HSPD1: variants seen among roughly 807,000 people sequenced by gnomAD.
The protein encoded by HSPD1 is heat shock protein family D (Hsp60) member 1, also known as 60 kDa heat shock protein, mitochondrial.
A neutral mutation model predicts 53.0 loss-of-function variants in HSPD1; 3 were observed. The ratio of observed to expected loss-of-function variants is 0.06; its 90% CI spans 0.03 to 0.15. The LOEUF is 0.15. HSPD1 is among the 10% of genes least tolerant of loss of function. The pLI is 1.00. For missense variants in HSPD1, 431 were observed against 694.1 expected (o/e 0.62, Z 4.26); for synonymous variants, 200 against 228.0 (o/e 0.88, Z 1.10).
upstream of HSPD1, chr2:197,500,202 T>C (rs2086230180): frequency 1.5e-5 from 9 of 599,046 alleles, no homozygotes; most frequent in Non-Finnish European, 2.4e-5. Context: ...GCTCCTTTTT[T>C]CTTCCGCCTC....
chr2:197,498,858 T>A lies in HSPD1; in HGVS notation c.-2-8A>T, dbSNP rs777306663. On this transcript the variant is annotated splice_polypyrimidine_tract_variant and splice_region_variant and intron_variant, in intron 1 of 11. Transcript: ENST00000388968. ...TGGGTAACCGAAGCATTTCTGGGGA[T>A]GGAAGCAAAAAGATCATCAGAACTA... 3.1e-6 allele frequency: 5 copies of A among 1,613,950 alleles called. No homozygotes were observed. In the Admixed American group the frequency reaches 5.0e-5, roughly 16 times the overall value.
intron 8 of HSPD1, 88 bp downstream of exon 8, chr2:197,490,109 A>G: frequency 2.1e-6 from 2 of 960,100 alleles, no homozygotes; most frequent in Non-Finnish European, 3.4e-6. Context: ...AGATAGTTGT[A>G]GTATCTAATT....
intron 10 of HSPD1, 69 bp downstream of exon 10, chr2:197,488,248 A>G: frequency 2.2e-6 from 3 of 1,343,652 alleles, no homozygotes; most frequent in South Asian, 1.2e-5. Context: ...CATTTAGGGG[A>G]CTGCAACATT....
intron 7 of HSPD1, among the ~76,000 whole-genome samples, chr2:197,493,060 T>C (rs1029446200): frequency 2.0e-5 from 3 of 151,500 alleles, no homozygotes; most frequent in Non-Finnish European, 2.9e-5. Flanking sequence ...CTGTAAACAC[T>C]TGCAAAATAC....
chr2:197,489,420 A>C (rs551293243), intron 8 of HSPD1, among the ~76,000 whole-genome samples, 173 bp from the exon 9 acceptor site: 1 of 152,286 alleles, frequency 6.6e-6, no homozygotes, highest in African/African-American at 2.4e-5. Context: ...CTTTCACTGC[A>C]TTTCCAAATT....
At chr2:197,491,675 T>C (rs950433586) in intron 7 of HSPD1, among the ~76,000 whole-genome samples, 5 of 152,230 alleles carry the variant, frequency 3.3e-5, no homozygotes, top group African/African-American at 1.2e-4. Flanking sequence ...ATTTTAATAA[T>C]GCCCTTAGAT....
chr2:197,497,636 T>C (rs1324849021), intron 2 of HSPD1: 1 of 548,698 alleles, frequency 1.8e-6, no homozygotes, highest in African/African-American at 1.9e-5. Context: ...ATTAAAATCC[T>C]AGGGACTAAA....
intron 1 of HSPD1, 96 bp from the exon 2 acceptor site, chr2:197,498,946 T>C: frequency 8.8e-7 from 1 of 1,133,242 alleles, no homozygotes; most frequent in East Asian, 2.6e-5. Flanking sequence ...CAACGTGAGA[T>C]GCTGAGCCTG....
intron 5 of HSPD1, 93 bp from the exon 6 acceptor site, chr2:197,494,343 A>G (rs1447098487): frequency 5.3e-6 from 4 of 760,480 alleles, no homozygotes; most frequent in Admixed American, 1.9e-5. Flanking sequence ...CCCTCTGGCC[A>G]TAAGAGATGC....
intron 8 of HSPD1, among the ~76,000 whole-genome samples, chr2:197,489,931 C>G (rs1402627218): frequency 6.6e-6 from 1 of 151,030 alleles, no homozygotes; most frequent in Non-Finnish European, 1.5e-5. Flanking sequence ...ATAGTCAAGA[C>G]AGATCAAGAC....
Position 197,488,034 on chromosome 2 carries a change from T to C in HSPD1, c.1393A>G (p.Ile465Val), listed in dbSNP as rs1395703930. 4.4e-6 allele frequency: 7 copies of C among 1,593,966 alleles called. No individual in the cohort carries two copies. The highest frequency in any genetic ancestry group is 1.1e-5 in the South Asian group (1 of 89,798). ...TPANEDQKIG[I>V]EIIKRTLKIP... Reference sequence around the variant, plus strand: ...TTGAGTGTTCTTTTAATAATTTCTATACCTACAGAGAAATTTCAGCAAAAT... The same window carrying C: ...TTGAGTGTTCTTTTAATAATTTCTACACCTACAGAGAAATTTCAGCAAAAT... Residue 465 changes from isoleucine (I) to valine (V), a missense_variant and splice_region_variant, in exon 11 of 12, where the codon ATA becomes GTA. Around this residue, in one of 2 missense-constraint regions of HSPD1, gnomAD observed 386 missense variants for 657.6 expected, o/e 0.59. Transcript: ENST00000388968.
At chr2:197,491,798 ATTTTC>A (rs1248328472) in intron 7 of HSPD1, among the ~76,000 whole-genome samples, 5,012 of 152,296 alleles carry the variant, frequency 0.033, 259 homozygotes, top group African/African-American at 0.11. Context: ...ATTGGGTGCT[ATTTTC>A]TCTACTTCAG....
At chr2:197,490,367 G>C in intron 7 of HSPD1, 71 bp from the exon 8 acceptor site, 1 of 1,189,932 alleles carries the variant, frequency 8.4e-7, no homozygotes, top group Non-Finnish European at 1.3e-6. Flanking sequence ...CCCTCAAGCT[G>C]TTACTAGATT....
intron 6 of HSPD1, 46 bp from the exon 7 acceptor site, chr2:197,493,538 A>T (rs762695342): frequency 3.6e-6 from 5 of 1,372,200 alleles, no homozygotes; most frequent in Non-Finnish European, 4.2e-6. Context: ...AAATGACTGC[A>T]ATACATTTAA....
At chr2:197,494,544 G>C (rs201275304) in intron 5 of HSPD1, 113 bp downstream of exon 5, 17 of 612,062 alleles carry the variant, frequency 2.8e-5, no homozygotes, top group Non-Finnish European at 4.1e-5. Context: ...AAAAAAAGCA[G>C]TTTTTAAAAC....
rs909223870 is a variant in HSPD1 at position 197,499,801 on chromosome 2, C to G, written c.-22G>C. ...GCGTACCTGCGGGGCGGCGGCAAGG[C>G]GTGCGCTCGGCGAGACAGGTCGTCG... On this transcript the variant is annotated 5_prime_UTR_variant, in exon 1 of 12. Transcript: ENST00000388968. The G allele has an allele frequency of 3.9e-5, 6 of 152,290 alleles. No individual in the cohort carries two copies. Among genetic ancestry groups the G allele is most frequent in the African/African-American group, 7.2e-5 (3 of 41,464 alleles). 9.4% of individuals were successfully genotyped at this position (152,290 alleles called of 1,614,324 possible).
At chr2:197,493,124 T>C (rs1361144844) in intron 7 of HSPD1, among the ~76,000 whole-genome samples, 200 bp downstream of exon 7, 2 of 152,082 alleles carry the variant, frequency 1.3e-5, no homozygotes, top group Non-Finnish European at 2.9e-5. Flanking sequence ...CTGATCAAAA[T>C]AGTAAAGACT....
rs745574190 is a variant in HSPD1, at chr2:197,487,177, C to T, written c.1591G>A (p.Asp531Asn). The change falls in exon 12 of 12, where the codon GAT becomes AAT. Residue 531 changes from aspartate (D) to asparagine (N), a missense_variant. This residue lies in a region of HSPD1 where 386 missense variants were observed against 657.6 expected (regional missense o/e 0.59). Transcript: ENST00000388968. ...PTKVVRTALL[D>N]AAGVASLLTT... ...AACAGAGAGGCCACACCAGCAGCAT[C>T]CAATAAAGCAGTTCTCACAACCTAG... 9 of 1,613,314 alleles carry T rather than the reference C, an allele frequency of 5.6e-6. No individual in the cohort carries two copies. Among genetic ancestry groups the T allele is most frequent in the Non-Finnish European group, 7.6e-6 (9 of 1,179,332 alleles).
chr2:197,500,214 G>A (rs1005196440), upstream of HSPD1: 3 of 609,120 alleles, frequency 4.9e-6, no homozygotes, highest in East Asian at 5.6e-5. Context: ...TTCCGCCTCC[G>A]AGTCTTCGCG....
Sources: allele counts gnomAD v4.1 joint callset (sites outside exome capture counted in the v4.1 genomes callset), GRCh38; gene constraint gnomAD v4.1.1; regional missense constraint gnomAD v4.1.1; transcripts MANE v1.5; gene names NCBI Gene and HGNC (gene_info 2026-07-23, HGNC 2026-07-21).